The following CTNNA1 variants were observed in gnomAD, a reference collection of about 807,000 sequenced individuals.
CTNNA1 encodes catenin alpha 1, also known as catenin alpha-1.
CTNNA1 carries 37 observed loss-of-function variants against 98.4 expected under a neutral mutation model. That is an observed-to-expected ratio of 0.38 (90% confidence interval 0.29 to 0.49). The LOEUF (loss-of-function observed/expected upper bound fraction) is 0.49, where lower values mean the gene tolerates loss of function less well. Among genes scored for constraint, CTNNA1 ranks in the 20% least tolerant of loss-of-function variants. The pLI is 0.95. For synonymous variants in CTNNA1, 404 were observed against 413.2 expected (o/e 0.98, Z 0.27); for missense variants, 761 against 1,147.2 (o/e 0.66, Z 4.86).
rs556533631 is a variant in CTNNA1, at chr5:138,876,063, C to T, written c.1063-10149C>T. ...GCTGAGTTGATCTTTAAATGTCCTC[C>T]TGGGAGGACAAGGCAGGTTGATACA... On this transcript the variant is annotated intron_variant, in intron 7 of 17. Coordinates refer to ENST00000302763, the MANE Select transcript of CTNNA1 (RefSeq NM_001903.5). Among the ~76,000 whole-genome samples, 15 of 152,230 alleles carry T rather than the reference C, an allele frequency of 9.9e-5. No homozygotes were observed. In the South Asian group the frequency reaches 1.0e-3, roughly 11 times the overall value.
intron 16 of CTNNA1, chr5:138,931,778 C>G: frequency 1.0e-6 from 1 of 985,538 alleles, no homozygotes; most frequent in Non-Finnish European, 1.2e-6. Context: ...GCTTCCATGA[C>G]TACTTAGAAT....
rs565889759 is a variant in CTNNA1 at position 138,770,384 on chromosome 5, T to A, written c.-2-11539T>A. ...TTAAACACTCTTCCATTGTTAATGT[T>A]CTCAACTATAATACGATGGAAGCTG... On this transcript the variant is annotated intron_variant, in intron 1 of 17. Transcript: ENST00000302763. Among the ~76,000 whole-genome samples the A allele has an allele frequency of 2.0e-5, 3 of 152,332 alleles. No individual in the cohort carries two copies. In the East Asian group the frequency reaches 5.8e-4, roughly 29 times the overall value.
At chr5:138,881,189 T>C (rs145281289) in intron 7 of CTNNA1, 306 of 451,100 alleles carry the variant, frequency 6.8e-4, no homozygotes, top group African/African-American at 5.7e-3. Flanking sequence ...CGTTTGTCTG[T>C]GTATGTCTGC....
chr5:138,885,473 CTT>C (rs1422878524), intron 7 of CTNNA1, among the ~76,000 whole-genome samples: 1 of 152,122 alleles, frequency 6.6e-6, no homozygotes, highest in African/African-American at 2.4e-5. Context: ...TAAAAAAAGA[CTT>C]TTGTTCCTTT....
rs929121712 is a variant in CTNNA1 at position 138,934,205 on chromosome 5, C to T, written c.*116C>T. On this transcript the variant is annotated 3_prime_UTR_variant, in exon 18 of 18. Coordinates refer to ENST00000302763, the MANE Select transcript of CTNNA1 (RefSeq NM_001903.5). Reference sequence around the variant, plus strand: ...ATACTAGATTCCACAGGGAAATGGGCAGACTGAACCAGTCCAGGTGGTGAA... The same window carrying T: ...ATACTAGATTCCACAGGGAAATGGGTAGACTGAACCAGTCCAGGTGGTGAA... 5.5e-6 allele frequency: 4 copies of T among 724,884 alleles called. No homozygotes were observed. The highest frequency in any genetic ancestry group is 9.0e-6 in the Non-Finnish European group (4 of 446,388). 44.9% of individuals were successfully genotyped at this position (724,884 alleles called of 1,614,324 possible).
At chr5:138,903,512 T>C (rs1758540738) in intron 9 of CTNNA1, among the ~76,000 whole-genome samples, 1 of 152,218 alleles carries the variant, frequency 6.6e-6, no homozygotes, top group African/African-American at 2.4e-5. Context: ...CCTGTTCATT[T>C]AGAAATATGG....
At chr5:138,782,963 TAAA>T (rs1322485243) in intron 2 of CTNNA1, among the ~76,000 whole-genome samples, 1 of 152,242 alleles carries the variant, frequency 6.6e-6, no homozygotes, top group Non-Finnish European at 1.5e-5. Context: ...AAATATGTGT[TAAA>T]TAATTCTCTG....
In CTNNA1 at chr5:138,819,488, C is replaced by T. The variant is rs145823443; in HGVS notation, c.589-5042C>T. Among the ~76,000 whole-genome samples the T allele has an allele frequency of 5.3e-5, 8 of 152,282 alleles. No homozygotes were observed. In the East Asian group the frequency reaches 7.7e-4, roughly 15 times the overall value. On this transcript the variant is annotated intron_variant, in intron 5 of 17. Transcript: ENST00000302763. The stretch of plus-strand genomic sequence containing the variant: ...TTCCCTTGGATGCAGGGTACTATGT[C>T]GGCTCAGCCCTGGGATGCTCAGCTG...
At chr5:138,881,457 C>T (rs969844807) in intron 7 of CTNNA1, among the ~76,000 whole-genome samples, 1 of 152,192 alleles carries the variant, frequency 6.6e-6, no homozygotes, top group African/African-American at 2.4e-5. Flanking sequence ...GTTGCCCAGC[C>T]CACAGCAAGC....
chr5:138,778,205 A>G (rs1167558562), intron 1 of CTNNA1, among the ~76,000 whole-genome samples: 2 of 151,786 alleles, frequency 1.3e-5, no homozygotes, highest in Non-Finnish European at 2.9e-5. Context: ...AGTGTTGACC[A>G]GGATGGTTTC....
chr5:138,881,920 G>C (rs979524373), intron 7 of CTNNA1, among the ~76,000 whole-genome samples: 1 of 152,134 alleles, frequency 6.6e-6, no homozygotes, highest in African/African-American at 2.4e-5. Flanking sequence ...CCCACCTCAG[G>C]CTTACTCTAG....
chr5:138,768,801 A>G (rs558098599), intron 1 of CTNNA1, among the ~76,000 whole-genome samples: 1 of 151,960 alleles, frequency 6.6e-6, no homozygotes, highest in Non-Finnish European at 1.5e-5. Context: ...TGATGATGCT[A>G]AGTTTAAACA....
intron 7 of CTNNA1, 52 bp downstream of exon 7, chr5:138,827,770 T>C (rs1323487730): frequency 1.2e-6 from 2 of 1,600,730 alleles, no homozygotes; most frequent in Non-Finnish European, 1.7e-6. Context: ...TGAGGAGTTT[T>C]CTATAACATG....
At chr5:138,824,419 A>T in intron 5 of CTNNA1, 111 bp from the exon 6 acceptor site, 1 of 1,144,654 alleles carries the variant, frequency 8.7e-7, no homozygotes. Context: ...AATGAAAATA[A>T]TGTGTCTAAT....
intron 14 of CTNNA1, 141 bp from the exon 15 acceptor site, chr5:138,930,329 AAAT>A (rs1311187460): frequency 1.4e-5 from 9 of 640,440 alleles, no homozygotes; most frequent in Non-Finnish European, 2.4e-5. Context: ...AAAATGAGAG[AAAT>A]AGCCCTTCAG....
At chr5:138,784,147 G>A (rs992101430) in intron 3 of CTNNA1, among the ~76,000 whole-genome samples, 21 of 152,244 alleles carry the variant, frequency 1.4e-4, no homozygotes, top group Admixed American at 1.2e-3. Context: ...CAAACAATCC[G>A]CCTGCCTCGG....
At chr5:138,918,810 G>A (rs1762322594) in intron 11 of CTNNA1, among the ~76,000 whole-genome samples, 1 of 152,192 alleles carries the variant, frequency 6.6e-6, no homozygotes, top group East Asian at 1.9e-4. Context: ...CAGAATCAGT[G>A]GCTAAGTTTT....
At chr5:138,920,267 A>ACCGTG in intron 11 of CTNNA1, among the ~76,000 whole-genome samples, 1 of 152,258 alleles carries the variant, frequency 6.6e-6, no homozygotes, top group South Asian at 2.1e-4. Flanking sequence ...GGCATGAGCC[A>ACCGTG]CCGTGCCCGG....
At chr5:138,809,272 T>C (rs181761767) in intron 3 of CTNNA1, among the ~76,000 whole-genome samples, 162 of 152,356 alleles carry the variant, frequency 1.1e-3, no homozygotes, top group Middle Eastern at 3.4e-3. Context: ...CTCTTCATTA[T>C]AGAAACTTTT....
Sources: gnomAD v4.1 joint callset for allele counts (sites outside exome capture counted in the v4.1 genomes callset) on GRCh38, gnomAD v4.1.1 for gene constraint, MANE v1.5 for transcripts, NCBI Gene and HGNC (gene_info 2026-07-23, HGNC 2026-07-21) for gene names.